The following DYNC1I2 variants were observed in gnomAD, a reference collection of about 807,000 sequenced individuals.
DYNC1I2 encodes the protein dynein cytoplasmic 1 intermediate chain 2, also known as cytoplasmic dynein 1 intermediate chain 2.
Under a neutral mutation model 88.6 loss-of-function variants are expected in DYNC1I2, and 53 were observed. The observed-to-expected ratio is 0.60, with a 90% CI of 0.48 to 0.75. The LOEUF (loss-of-function observed/expected upper bound fraction) is 0.75, where lower values mean the gene tolerates loss of function less well. DYNC1I2 is among the 30% of genes least tolerant of loss of function. The probability of loss-of-function intolerance (pLI) is 0.00; values close to 1 mark genes in which losing one functional copy is unlikely to be tolerated. For synonymous variants in DYNC1I2, 198 were observed against 254.6 expected (o/e 0.78, Z 2.12); for missense variants, 458 against 766.6 (o/e 0.60, Z 4.75).
At chr2:171,708,776 T>A (rs1012299241) in intron 5 of DYNC1I2, among the ~76,000 whole-genome samples, 1 of 152,156 alleles carries the variant, frequency 6.6e-6, no homozygotes. Context: ...CACTGCAACC[T>A]CTGCCTCCTG....
intron 15 of DYNC1I2, among the ~76,000 whole-genome samples, chr2:171,741,196 T>A (rs535829114): frequency 1.3e-5 from 2 of 152,352 alleles, no homozygotes; most frequent in East Asian, 3.9e-4. Context: ...ACTTTTTGTT[T>A]ATACATTCAT....
At chr2:171,700,877 C>T (rs936065937) in intron 3 of DYNC1I2, among the ~76,000 whole-genome samples, 1 of 152,088 alleles carries the variant, frequency 6.6e-6, no homozygotes, top group African/African-American at 2.4e-5. Context: ...GTGATCCACC[C>T]TACTCAGCCT....
At position 171,728,709 on chromosome 2, in the gene DYNC1I2, C is replaced by A. The variant is rs752553830; in HGVS notation, c.1258-8C>A. 62 of 1,538,224 alleles carry A rather than the reference C, an allele frequency of 4.0e-5. No individual in the cohort carries two copies. The highest frequency in any genetic ancestry group is 7.0e-5 in the African/African-American group (5 of 71,770). ...TACAAACTAATTTTCTCAGGTTTTT[C>A]TATGTAGGATAGCATGGAGTTGGTT... is the stretch of plus-strand genomic sequence containing the variant. On this transcript the variant is annotated splice_polypyrimidine_tract_variant and splice_region_variant and intron_variant, in intron 13 of 17. Transcript: ENST00000397119.
intron 10 of DYNC1I2, 34 bp downstream of exon 10, chr2:171,726,327 A>C (rs755355906): frequency 9.9e-6 from 14 of 1,413,452 alleles, no homozygotes; most frequent in Non-Finnish European, 1.3e-5. Context: ...CTCTTAACTC[A>C]TTTTTAAAAT....
At chr2:171,739,696 C>CTCTCTCTCTCTCTTTTTTTTTTTTTTTTT (rs1689267774) in intron 15 of DYNC1I2, among the ~76,000 whole-genome samples, 1 of 65,038 alleles carries the variant, frequency 1.5e-5, no homozygotes, top group African/African-American at 5.7e-5. Flanking sequence ...TGACATATCT[C>CTCTCTCTCTCTCTTTTTTTTTTTTTTTTT]TTTTTTTTTT....
chr2:171,746,026 G>T, intron 17 of DYNC1I2, 99 bp downstream of exon 17: 1 of 1,293,692 alleles, frequency 7.7e-7, no homozygotes. Flanking sequence ...TTTATGAGTT[G>T]TTTAAACTAT....
chr2:171,732,957 C>T (rs1688725638), intron 15 of DYNC1I2, among the ~76,000 whole-genome samples: 1 of 152,064 alleles, frequency 6.6e-6, no homozygotes, highest in Admixed American at 6.6e-5. Context: ...AGCCTACTAT[C>T]CATTAGTTAT....
chr2:171,730,240 A>G (rs947795656), intron 15 of DYNC1I2, among the ~76,000 whole-genome samples: 3 of 152,226 alleles, frequency 2.0e-5, no homozygotes, highest in Non-Finnish European at 4.4e-5. Flanking sequence ...ATTCATAACT[A>G]CAGTGGCTCA....
At chr2:171,746,860 G>A (rs943969238) in intron 17 of DYNC1I2, among the ~76,000 whole-genome samples, 3 of 152,228 alleles carry the variant, frequency 2.0e-5, no homozygotes, top group African/African-American at 7.2e-5. Context: ...ACATGACAGT[G>A]TCAGACTCCT....
intron 5 of DYNC1I2, 57 bp downstream of exon 5, chr2:171,707,434 C>T (rs902284202): frequency 2.2e-5 from 32 of 1,455,488 alleles, no homozygotes; most frequent in Non-Finnish European, 3.0e-5. Context: ...TGCCCAAATA[C>T]TGTTGATACT....
In DYNC1I2 at chr2:171,692,804, C is replaced by T; in HGVS notation, c.136C>T (p.Pro46Ser). The change falls in exon 3 of 18, where the codon CCT (proline) becomes TCT (serine). Residue 46 changes from proline (P) to serine (S), a missense_variant. Coordinates refer to ENST00000397119, the MANE Select transcript of DYNC1I2 (RefSeq NM_001378.3). ...ETDQKKEAVA[P>S]VQEESDLEKK... ...AGACCAGAAGAAGGAAGCTGTTGCT[C>T]CTGTGCAAGAAGAATCAGATCTTGA... 6.2e-7 allele frequency: 1 copy of T among 1,607,596 alleles called. No individual in the cohort carries two copies. The highest frequency in any genetic ancestry group is 8.5e-7 in the Non-Finnish European group (1 of 1,177,224).
intron 7 of DYNC1I2, 24 bp from the exon 8 acceptor site, chr2:171,725,594 G>GTTTTTTTTTTTTTTTTTTT: frequency 8.5e-7 from 1 of 1,175,314 alleles, no homozygotes. Context: ...TTGTTTTTTT[G>GTTTTTTTTTTTTTTTTTTT]TTTGTTTTTT....
At chr2:171,719,580 T>C (rs1343675351) in intron 7 of DYNC1I2, among the ~76,000 whole-genome samples, 1 of 152,176 alleles carries the variant, frequency 6.6e-6, no homozygotes, top group Non-Finnish European at 1.5e-5. Context: ...TAAACTTCTG[T>C]AGGCAGTAAA....
At chr2:171,726,942 G>A (rs775169095) in intron 11 of DYNC1I2, 26 bp downstream of exon 11, 46 of 1,543,544 alleles carry the variant, frequency 3.0e-5, no homozygotes, top group Admixed American at 4.2e-5. Context: ...AACAGTCTTC[G>A]CCTCAAGTTT....
intron 1 of DYNC1I2, among the ~76,000 whole-genome samples, 193 bp from the exon 2 acceptor site, chr2:171,689,954 G>A (rs892932226): frequency 7.1e-6 from 1 of 141,144 alleles, no homozygotes; most frequent in Non-Finnish European, 1.5e-5. Context: ...TCAAACTCAT[G>A]GCCTGAAGCA....
intron 14 of DYNC1I2, 36 bp downstream of exon 14, chr2:171,728,886 T>C: frequency 6.3e-7 from 1 of 1,579,022 alleles, no homozygotes; most frequent in Non-Finnish European, 8.6e-7. Context: ...AATTTAAAAT[T>C]CCTCCTTTAA....
Position 171,688,520 on chromosome 2 carries a change from T to C in DYNC1I2, c.-10+893T>C, listed in dbSNP as rs1410809771. On this transcript the variant is annotated intron_variant, in intron 1 of 17. Coordinates refer to ENST00000397119, the MANE Select transcript of DYNC1I2 (RefSeq NM_001378.3). ...GCCTAGCGTAGCATACAGTTACGTA[T>C]GGAAGTTCTCTTCACCAGCCGTTTG... The C allele has an allele frequency of 2.6e-5, 4 of 152,318 alleles. No homozygotes were observed. In the East Asian group the frequency reaches 5.8e-4, roughly 22 times the overall value. The allele number at this position is 152,318 out of a possible 1,614,324, so 9.4% of individuals were successfully genotyped here.
chr2:171,735,740 G>T (rs1688958160), intron 15 of DYNC1I2, among the ~76,000 whole-genome samples: 1 of 152,224 alleles, frequency 6.6e-6, no homozygotes, highest in Admixed American at 6.5e-5. Context: ...GAAAGCTTCT[G>T]CAGGGTAACA....
chr2:171,701,987 G>T (rs140324422), intron 3 of DYNC1I2, among the ~76,000 whole-genome samples: 63 of 152,250 alleles, frequency 4.1e-4, no homozygotes, highest in African/African-American at 1.4e-3. Flanking sequence ...GTAGGGAGCA[G>T]TAAATAAATA....
Sources: allele counts gnomAD v4.1 joint callset (sites outside exome capture counted in the v4.1 genomes callset), GRCh38; gene constraint gnomAD v4.1.1; transcripts MANE v1.5; gene names NCBI Gene and HGNC (gene_info 2026-07-23, HGNC 2026-07-21).